FBXL7: variants seen among roughly 807,000 people sequenced by gnomAD.
The protein encoded by FBXL7 is F-box/LRR-repeat protein 7.
Under a neutral mutation model 38.3 loss-of-function variants are expected in FBXL7, and 12 were observed. The observed-to-expected ratio is 0.31, with a 90% CI of 0.20 to 0.51. The LOEUF is 0.51. Among genes scored for constraint, FBXL7 ranks in the 20% least tolerant of loss-of-function variants. The probability of loss-of-function intolerance (pLI) is 0.98; values close to 1 mark genes in which losing one functional copy is unlikely to be tolerated. For missense variants in FBXL7, 567 were observed against 676.4 expected, an observed-to-expected ratio of 0.84 and a Z score of 1.79; for synonymous variants, 297 against 300.9, an observed-to-expected ratio of 0.99 and a Z score of 0.13.
intron 1 of FBXL7, among the ~76,000 whole-genome samples, chr5:15,508,988 A>G (rs1736723250): frequency 6.6e-6 from 1 of 152,228 alleles, no homozygotes; most frequent in Admixed American, 6.5e-5. Context: ...TTACTGCCCT[A>G]AAACACGTAG....
intron 1 of FBXL7, among the ~76,000 whole-genome samples, chr5:15,547,422 A>G (rs894094137): frequency 3.3e-5 from 5 of 152,212 alleles, no homozygotes; most frequent in Non-Finnish European, 5.9e-5. Flanking sequence ...GCAGCAGTGC[A>G]AGGTGTGAAG....
intron 2 of FBXL7, among the ~76,000 whole-genome samples, chr5:15,685,754 G>A (rs956798482): frequency 6.6e-6 from 1 of 152,200 alleles, no homozygotes; most frequent in Non-Finnish European, 1.5e-5. Flanking sequence ...CTTCCTCACA[G>A]TGTTGTCAGT....
At chr5:15,721,936 G>GC (rs1329976259) in intron 2 of FBXL7, among the ~76,000 whole-genome samples, 1 of 152,160 alleles carries the variant, frequency 6.6e-6, no homozygotes, top group Non-Finnish European at 1.5e-5. Flanking sequence ...CCAGGTTCAA[G>GC]CAATTCTCCT....
chr5:15,556,128 T>A (rs1005195205), intron 1 of FBXL7, among the ~76,000 whole-genome samples: 1 of 152,038 alleles, frequency 6.6e-6, no homozygotes, highest in African/African-American at 2.4e-5. Flanking sequence ...GATCCATCAA[T>A]TGACATATAG....
chr5:15,559,449 A>G (rs1241535250), intron 1 of FBXL7, among the ~76,000 whole-genome samples: 1 of 152,190 alleles, frequency 6.6e-6, no homozygotes, highest in African/African-American at 2.4e-5. Context: ...AACGTGTAGT[A>G]TAATTTCCTT....
intron 2 of FBXL7, among the ~76,000 whole-genome samples, chr5:15,845,205 A>G (rs1038935047): frequency 2.0e-5 from 3 of 152,342 alleles, no homozygotes; most frequent in African/African-American, 7.2e-5. Flanking sequence ...GAGGAAGCAC[A>G]CATTTGGACA....
chr5:15,555,269 T>G (rs2126428017), intron 1 of FBXL7, among the ~76,000 whole-genome samples: 1 of 152,238 alleles, frequency 6.6e-6, no homozygotes, highest in East Asian at 1.9e-4. Flanking sequence ...GTTTCTTACT[T>G]CCGGTACAGA....
chr5:15,686,840 T>G (rs925062457), intron 2 of FBXL7, among the ~76,000 whole-genome samples: 4 of 152,176 alleles, frequency 2.6e-5, no homozygotes, highest in African/African-American at 9.6e-5. Flanking sequence ...ATTGGACCAC[T>G]GAGCCAAGAA....
At chr5:15,782,683 C>T (rs567692912) in intron 2 of FBXL7, among the ~76,000 whole-genome samples, 8 of 152,118 alleles carry the variant, frequency 5.3e-5, no homozygotes, top group South Asian at 4.2e-4. Flanking sequence ...CTATTGATAA[C>T]GCAGGAGTGA....
chr5:15,551,210 C>T (rs1738056253), intron 1 of FBXL7, among the ~76,000 whole-genome samples: 1 of 152,122 alleles, frequency 6.6e-6, no homozygotes, highest in Non-Finnish European at 1.5e-5. Flanking sequence ...GGTTTGTGCC[C>T]ATGGGTTTGT....
chr5:15,740,101 C>T (rs1381140623), intron 2 of FBXL7, among the ~76,000 whole-genome samples: 1 of 152,130 alleles, frequency 6.6e-6, no homozygotes, highest in Non-Finnish European at 1.5e-5. Flanking sequence ...AGTGGTATCT[C>T]ACTGTGGTTT....
At chr5:15,652,981 A>G (rs985091456) in intron 2 of FBXL7, among the ~76,000 whole-genome samples, 2 of 152,198 alleles carry the variant, frequency 1.3e-5, no homozygotes, top group Non-Finnish European at 2.9e-5. Context: ...AAAGTATCTC[A>G]TGTGCCCTAT....
intron 2 of FBXL7, among the ~76,000 whole-genome samples, chr5:15,631,773 G>A (rs916951455): frequency 3.3e-5 from 5 of 151,516 alleles, no homozygotes; most frequent in African/African-American, 1.2e-4. Flanking sequence ...GGTAATTTAG[G>A]GTGGGATAAA....
chr5:15,508,488 A>T (rs1736706135), intron 1 of FBXL7, among the ~76,000 whole-genome samples: 1 of 152,200 alleles, frequency 6.6e-6, no homozygotes, highest in Non-Finnish European at 1.5e-5. Flanking sequence ...GAGCTGCCCA[A>T]ATCGTAGCTG....
chr5:15,865,040 A>G (rs1307292025), intron 2 of FBXL7, among the ~76,000 whole-genome samples: 1 of 152,100 alleles, frequency 6.6e-6, no homozygotes, highest in African/African-American at 2.4e-5. Flanking sequence ...TGCTGCTTTC[A>G]TTTGCTGAAG....
chr5:15,856,491 C>T (rs557413239), intron 2 of FBXL7, among the ~76,000 whole-genome samples: 2 of 152,034 alleles, frequency 1.3e-5, no homozygotes, highest in Non-Finnish European at 2.9e-5. Flanking sequence ...GCACAACAAA[C>T]ACCCACAACC....
intron 2 of FBXL7, among the ~76,000 whole-genome samples, chr5:15,785,230 G>A (rs147114069): frequency 4.6e-4 from 70 of 152,284 alleles, no homozygotes; most frequent in Non-Finnish European, 6.6e-4. Flanking sequence ...AACGGCTGTC[G>A]AGGCAACACA....
intron 1 of FBXL7, among the ~76,000 whole-genome samples, chr5:15,528,642 C>A (rs1009407475): frequency 6.6e-6 from 1 of 152,174 alleles, no homozygotes; most frequent in African/African-American, 2.4e-5. Flanking sequence ...GGGGAAACTG[C>A]TCCCATTATT....
chr5:15,813,350 T>C (rs1349521431), intron 2 of FBXL7, among the ~76,000 whole-genome samples: 1 of 152,122 alleles, frequency 6.6e-6, no homozygotes, highest in Non-Finnish European at 1.5e-5. Flanking sequence ...TAATAAACGA[T>C]ATTGGGAAAA....
Sources: allele counts gnomAD v4.1 joint callset (sites outside exome capture counted in the v4.1 genomes callset), GRCh38; gene constraint gnomAD v4.1.1; transcripts MANE v1.5; gene names NCBI Gene and HGNC (gene_info 2026-07-23, HGNC 2026-07-21).